HMGCLL1: variants seen among roughly 807,000 people sequenced by gnomAD.
HMGCLL1 encodes the protein 3-hydroxymethyl-3-methylglutaryl-CoA lyase, cytoplasmic.
HMGCLL1 carries 36 observed loss-of-function variants against 39.1 expected under a neutral mutation model. The observed-to-expected ratio is 0.92, with a 90% CI of 0.71 to 1.22. The LOEUF is 1.22. Among genes scored for constraint, HMGCLL1 ranks in the 50% most tolerant of loss-of-function variants. The pLI is 0.00. For missense variants in HMGCLL1, 451 were observed against 416.5 expected (o/e 1.08, Z -0.72); for synonymous variants, 149 against 144.0 (o/e 1.03, Z -0.25).
At position 55,435,586 on chromosome 6, in the gene HMGCLL1, T is replaced by A. The variant is rs546064558; in HGVS notation, c.*76A>T. The A allele has an allele frequency of 2.8e-6, 2 of 714,688 alleles. No individual in the cohort carries two copies. Among genetic ancestry groups the A allele is most frequent in the South Asian group, 4.4e-5 (2 of 45,000 alleles). 44.3% of individuals were successfully genotyped at this position (714,688 alleles called of 1,614,324 possible). A position where few individuals can be genotyped will look rare whatever the true frequency, so the allele number is the denominator to read the frequency against. On this transcript the variant is annotated 3_prime_UTR_variant, in exon 9 of 9. Transcript: ENST00000274901. The stretch of plus-strand genomic sequence containing the variant: ...CCATTACTTCACATATCAGAGCAAG[T>A]TGGCATTAATGATTTTCAGATGAGT...
chr6:55,543,245 GAT>G lies in HMGCLL1; in HGVS notation c.109-1107_109-1106del, dbSNP rs1769647394. On this transcript the variant is annotated intron_variant, in intron 1 of 8. Transcript: ENST00000274901. Reference sequence around the variant, plus strand: ...TAATATATAATATAGATATAATATAGATATATAATATATAATATAATATATCT... The same window carrying G: ...TAATATATAATATAGATATAATATAGATATAATATATAATATAATATATCT... Among the ~76,000 whole-genome samples, 4 of 8,408 alleles carry G rather than the reference GAT, an allele frequency of 4.8e-4. 2 individuals are homozygous for G. Among genetic ancestry groups the G allele is most frequent in the African/African-American group, 1.3e-3 (4 of 2,980 alleles). 5.5% of individuals were successfully genotyped at this position (8,408 alleles called of 152,430 possible).
chr6:55,669,437 C>T, the HMGCLL1 span, among the ~76,000 whole-genome samples: 1 of 151,688 alleles, frequency 6.6e-6, no homozygotes, highest in Non-Finnish European at 1.5e-5. Context: ...AGACTCAGCC[C>T]CACAATATTC....
the HMGCLL1 span, among the ~76,000 whole-genome samples, chr6:55,631,248 G>T: frequency 6.6e-6 from 1 of 151,730 alleles, no homozygotes; most frequent in African/African-American, 2.4e-5. Context: ...TCTTCGATTT[G>T]CCCTTTTGAG....
At chr6:55,443,686 A>T (rs942539279) in intron 7 of HMGCLL1, among the ~76,000 whole-genome samples, 133 of 152,296 alleles carry the variant, frequency 8.7e-4, no homozygotes, top group African/African-American at 3.0e-3. Context: ...CCAAAAAAAA[A>T]AAAGTTCAAC....
chr6:55,468,207 A>G (rs1764875456), intron 7 of HMGCLL1, among the ~76,000 whole-genome samples: 1 of 152,046 alleles, frequency 6.6e-6, no homozygotes, highest in Admixed American at 6.6e-5. Context: ...CTAACGATGT[A>G]TATTGTAAGG....
At chr6:55,655,538 A>AGATAGAT in the HMGCLL1 span, among the ~76,000 whole-genome samples, 1 of 149,138 alleles carries the variant, frequency 6.7e-6, no homozygotes, top group Non-Finnish European at 1.5e-5. Flanking sequence ...TTATATTGGT[A>AGATAGAT]GATAGATAGA....
intron 3 of HMGCLL1, among the ~76,000 whole-genome samples, chr6:55,523,939 A>G (rs1466227024): frequency 6.6e-6 from 1 of 152,010 alleles, no homozygotes; most frequent in Non-Finnish European, 1.5e-5. Flanking sequence ...TATAACAATT[A>G]TACTGTGCAT....
intron 1 of HMGCLL1, among the ~76,000 whole-genome samples, chr6:55,562,928 GA>G (rs970364075): frequency 5.4e-5 from 8 of 148,920 alleles, no homozygotes; most frequent in African/African-American, 1.2e-4. Context: ...CTAACTCCAA[GA>G]AAAAAAAATG....
intron 5 of HMGCLL1, among the ~76,000 whole-genome samples, chr6:55,507,425 AAACTAAACCC>A (rs1269289809): frequency 6.6e-6 from 1 of 151,700 alleles, no homozygotes; most frequent in Non-Finnish European, 1.5e-5. Context: ...CCCAGCCCTC[AAACTAAACCC>A]AACTCAATAT....
chr6:55,646,982 G>A, the HMGCLL1 span, among the ~76,000 whole-genome samples: 1 of 151,884 alleles, frequency 6.6e-6, no homozygotes, highest in African/African-American at 2.4e-5. Flanking sequence ...TGAAAGTAGG[G>A]TGCTGCAGTC....
At chr6:55,677,870 A>G in the HMGCLL1 span, among the ~76,000 whole-genome samples, 2 of 152,230 alleles carry the variant, frequency 1.3e-5, no homozygotes, top group Non-Finnish European at 2.9e-5. Context: ...TATGGAAGAC[A>G]TTGTATTTTA....
At chr6:55,554,775 G>A (rs976722318) in intron 1 of HMGCLL1, among the ~76,000 whole-genome samples, 1 of 152,086 alleles carries the variant, frequency 6.6e-6, no homozygotes, top group African/African-American at 2.4e-5. Context: ...TTCTAAAACT[G>A]ATACTTAATC....
At chr6:55,661,709 CA>C in the HMGCLL1 span, among the ~76,000 whole-genome samples, 1 of 151,746 alleles carries the variant, frequency 6.6e-6, no homozygotes, top group African/African-American at 2.4e-5. Context: ...TTTTTGGTTT[CA>C]TATAAATTTT....
chr6:55,496,289 T>C (rs1221731403), intron 6 of HMGCLL1, among the ~76,000 whole-genome samples: 2 of 152,128 alleles, frequency 1.3e-5, no homozygotes, highest in African/African-American at 4.8e-5. Flanking sequence ...TCATTTACTA[T>C]AAAATAATAC....
intron 7 of HMGCLL1, among the ~76,000 whole-genome samples, chr6:55,476,748 A>G (rs924707222): frequency 2.6e-5 from 4 of 151,626 alleles, no homozygotes; most frequent in African/African-American, 7.3e-5. Context: ...TTAATATGTC[A>G]CTAAATTCCC....
Position 55,578,945 on chromosome 6 carries a change from T to C in HMGCLL1, c.108+3A>G. ...GGGGACACCCTGGGCCGCGAGGTGG[T>C]ACCTGCGCGGGGTCGAGCGCCCCTG... On this transcript the variant is annotated splice_donor_region_variant and intron_variant, in intron 1 of 8. Transcript: ENST00000274901. 6.2e-7 allele frequency: 1 copy of C among 1,605,608 alleles called. No homozygotes were observed. Among genetic ancestry groups the C allele is most frequent in the South Asian group, 1.1e-5 (1 of 90,172 alleles).
chr6:55,652,090 T>G, the HMGCLL1 span, among the ~76,000 whole-genome samples: 2 of 152,040 alleles, frequency 1.3e-5, no homozygotes, highest in Non-Finnish European at 2.9e-5. Flanking sequence ...CTTAGTCCTT[T>G]TCTATGTGCA....
At chr6:55,481,512 C>T (rs1171378592) in intron 7 of HMGCLL1, among the ~76,000 whole-genome samples, 6 of 151,612 alleles carry the variant, frequency 4.0e-5, no homozygotes, top group African/African-American at 7.3e-5. Flanking sequence ...CTCATGTATC[C>T]CATAAATATA....
chr6:55,548,176 T>G (rs1027596266), intron 1 of HMGCLL1, among the ~76,000 whole-genome samples: 2 of 152,066 alleles, frequency 1.3e-5, no homozygotes, highest in Non-Finnish European at 2.9e-5. Flanking sequence ...ATCTGCTTAC[T>G]TTTTAGCAGT....
Sources: allele counts gnomAD v4.1 joint callset (sites outside exome capture counted in the v4.1 genomes callset), GRCh38; gene constraint gnomAD v4.1.1; transcripts MANE v1.5; gene names NCBI Gene and HGNC (gene_info 2026-07-23, HGNC 2026-07-21).